Variants in SAMD8 observed in about 807,000 individuals in gnomAD.
The protein encoded by SAMD8 is sterile alpha motif domain containing 8.
A neutral mutation model predicts 42.0 loss-of-function variants in SAMD8; 20 were observed. The ratio of observed to expected loss-of-function variants is 0.48; its 90% confidence interval spans 0.34 to 0.69. The LOEUF (loss-of-function observed/expected upper bound fraction) is 0.69. SAMD8 is among the 30% of genes least tolerant of loss of function. The pLI is 0.01. For synonymous variants in SAMD8, 162 were observed against 173.0 expected (o/e 0.94, Z 0.50); for missense variants, 328 against 511.6 (o/e 0.64, Z 3.46).
chr10:75,138,255 A>G (rs1257271716), intron 1 of SAMD8, among the ~76,000 whole-genome samples: 2 of 152,206 alleles, frequency 1.3e-5, no homozygotes, highest in Non-Finnish European at 2.9e-5. Context: ...CTGCTTCATC[A>G]TATCTGCCAC....
chr10:75,179,010 C>T lies in SAMD8; in HGVS notation c.*2318C>T, dbSNP rs1418051822. ...CTCCACTGCACTCCAGCCTAGGTGA[C>T]AGAGTGAGACTCCATCTCAAAACGA... On this transcript the variant is annotated 3_prime_UTR_variant, in exon 6 of 6. Transcript: ENST00000542569. 6.6e-6 allele frequency: 1 copy of T among 152,438 alleles called. No homozygotes were observed. Among genetic ancestry groups the T allele is most frequent in the East Asian group, 1.9e-4 (1 of 5,196 alleles). The allele number at this position is 152,438 out of a possible 1,614,324, so 9.4% of individuals were successfully genotyped here.
At chr10:75,130,240 G>A (rs572772970) in intron 1 of SAMD8, among the ~76,000 whole-genome samples, 1 of 152,116 alleles carries the variant, frequency 6.6e-6, no homozygotes, top group African/African-American at 2.4e-5. Context: ...GGTGACTCAC[G>A]CCTGTAATCC....
intron 4 of SAMD8, 120 bp downstream of exon 4, chr10:75,168,778 T>TA (rs369778184): frequency 2.0e-4 from 128 of 630,356 alleles, no homozygotes; most frequent in Middle Eastern, 2.6e-4. Context: ...GCAATGTCTA[T>TA]AAAAAAAACT....
chr10:75,113,113 G>A (rs1167978994), intron 1 of SAMD8, among the ~76,000 whole-genome samples: 2 of 152,230 alleles, frequency 1.3e-5, no homozygotes, highest in Admixed American at 1.3e-4. Flanking sequence ...GTAGTTGGCA[G>A]CCAACACAAC....
chr10:75,123,894 A>T (rs1286512121), intron 1 of SAMD8, among the ~76,000 whole-genome samples: 2 of 151,688 alleles, frequency 1.3e-5, no homozygotes, highest in Non-Finnish European at 2.9e-5. Flanking sequence ...CGCCCAGGTA[A>T]TTTTTTGTAT....
intron 1 of SAMD8, among the ~76,000 whole-genome samples, chr10:75,136,959 CTT>C (rs779336598): frequency 2.6e-5 from 4 of 152,100 alleles, no homozygotes; most frequent in African/African-American, 4.8e-5. Context: ...AATTAGAACA[CTT>C]TGTGCATATT....
At chr10:75,132,038 G>T (rs1212213733) in intron 1 of SAMD8, among the ~76,000 whole-genome samples, 1 of 152,194 alleles carries the variant, frequency 6.6e-6, no homozygotes, top group Non-Finnish European at 1.5e-5. Flanking sequence ...GAAAACCTTT[G>T]TATATGTAGT....
At chr10:75,104,618 C>T (rs1848380153) in intron 1 of SAMD8, among the ~76,000 whole-genome samples, 1 of 152,192 alleles carries the variant, frequency 6.6e-6, no homozygotes, top group Admixed American at 6.5e-5. Context: ...AGGGAATCTG[C>T]CATTCCATGG....
intron 1 of SAMD8, among the ~76,000 whole-genome samples, chr10:75,143,882 T>A (rs1012318075): frequency 3.3e-5 from 5 of 152,096 alleles, no homozygotes; most frequent in African/African-American, 1.2e-4. Flanking sequence ...AGCTGTTTGA[T>A]GTTGTTCCAC....
intron 1 of SAMD8, among the ~76,000 whole-genome samples, chr10:75,121,080 T>A (rs147767551): frequency 3.6e-4 from 55 of 152,276 alleles, no homozygotes; most frequent in African/African-American, 1.2e-3. Context: ...CCCGGACTTT[T>A]GAGCAGTTTC....
chr10:75,153,770 T>C (rs1039356490), intron 2 of SAMD8, among the ~76,000 whole-genome samples: 16 of 151,768 alleles, frequency 1.1e-4, no homozygotes, highest in African/African-American at 3.9e-4. Flanking sequence ...AAGAGGTTTT[T>C]TTTTTTGTTT....
At chr10:75,141,953 CT>C (rs952436948) in intron 1 of SAMD8, among the ~76,000 whole-genome samples, 2 of 151,016 alleles carry the variant, frequency 1.3e-5, no homozygotes, top group Non-Finnish European at 3.0e-5. Flanking sequence ...CTTACACTTG[CT>C]TTTTAAAAAA....
chr10:75,128,867 A>T (rs1849209240), intron 1 of SAMD8, among the ~76,000 whole-genome samples: 1 of 152,182 alleles, frequency 6.6e-6, no homozygotes, highest in South Asian at 2.1e-4. Context: ...GTATTGCATT[A>T]TTAATACATG....
chr10:75,109,111 G>C, upstream of SAMD8: 1 of 1,611,548 alleles, frequency 6.2e-7, no homozygotes, highest in Non-Finnish European at 8.5e-7. Flanking sequence ...GGGGCAAGGC[G>C]TGGCTTTGTC....
chr10:75,107,886 G>A (rs1564668699), upstream of SAMD8: 4 of 1,341,794 alleles, frequency 3.0e-6, no homozygotes, highest in African/African-American at 1.5e-5. Context: ...CTAAGCAGAG[G>A]ATTTTTAAAA....
chr10:75,145,940 A>G (rs2657286), intron 1 of SAMD8, among the ~76,000 whole-genome samples: 1 of 151,928 alleles, frequency 6.6e-6, no homozygotes, highest in Non-Finnish European at 1.5e-5. Flanking sequence ...TGGGAATTCA[A>G]TTGGGTGGTC....
chr10:75,175,515 CATTTATTTATTT>C (rs549084623), intron 4 of SAMD8, among the ~76,000 whole-genome samples: 1 of 151,564 alleles, frequency 6.6e-6, no homozygotes, highest in Non-Finnish European at 1.5e-5. Context: ...ACAGTGATTT[CATTTATTTATTT>C]ATTTATTTAT....
intron 1 of SAMD8, among the ~76,000 whole-genome samples, chr10:75,113,808 T>A (rs1449115589): frequency 6.6e-6 from 1 of 152,220 alleles, no homozygotes. Flanking sequence ...GGTTTTATCT[T>A]TAGAGTGAGA....
intron 1 of SAMD8, among the ~76,000 whole-genome samples, chr10:75,147,662 G>A (rs1344245333): frequency 6.6e-6 from 1 of 152,132 alleles, no homozygotes; most frequent in East Asian, 1.9e-4. Context: ...TCTCAGATTT[G>A]CTATATCATA....
Sources: allele counts gnomAD v4.1 joint callset (sites outside exome capture counted in the v4.1 genomes callset), GRCh38; gene constraint gnomAD v4.1.1; transcripts MANE v1.5; gene names NCBI Gene and HGNC (gene_info 2026-07-23, HGNC 2026-07-21).